Variants in LAMA3 observed in about 807,000 individuals in gnomAD.
LAMA3 encodes the protein laminin subunit alpha 3.
LAMA3 carries 281 observed loss-of-function variants against 402.0 expected under a neutral mutation model. That is an observed-to-expected ratio of 0.70 (90% CI 0.63 to 0.77). The LOEUF is 0.77. Ranked by LOEUF, LAMA3 falls within the 30% of genes least tolerant of loss-of-function variation. The probability of loss-of-function intolerance (pLI) is 0.00; values close to 1 mark genes in which losing one functional copy is unlikely to be tolerated. For missense variants in LAMA3, 3,840 were observed against 4,215.5 expected, an observed-to-expected ratio of 0.91 and a Z score of 2.47; for synonymous variants, 1,431 against 1,558.4, an observed-to-expected ratio of 0.92 and a Z score of 1.93.
chr18:23,827,056 T>A (rs2063396678), intron 22 of LAMA3, among the ~76,000 whole-genome samples: 1 of 152,232 alleles, frequency 6.6e-6, no homozygotes, highest in African/African-American at 2.4e-5. Context: ...GTCAATGCCC[T>A]CAAGGTCAGT....
intron 47 of LAMA3, 164 bp downstream of exon 47, chr18:23,899,619 TC>T: frequency 1.4e-6 from 1 of 707,514 alleles, no homozygotes; most frequent in Non-Finnish European, 2.5e-6. Context: ...CCCCCAGGAG[TC>T]CCAGGTTACC....
intron 2 of LAMA3, among the ~76,000 whole-genome samples, chr18:23,715,190 G>A (rs1023931437): frequency 1.3e-5 from 2 of 151,842 alleles, no homozygotes; most frequent in Admixed American, 6.6e-5. Context: ...TGATGATGAT[G>A]GTTGGACAAC....
intron 10 of LAMA3, among the ~76,000 whole-genome samples, chr18:23,776,630 T>C (rs896290746): frequency 6.6e-6 from 1 of 152,106 alleles, no homozygotes; most frequent in Non-Finnish European, 1.5e-5. Flanking sequence ...AGAGCCATCA[T>C]AGGAAAAGCA....
chr18:23,830,435 G>T (rs2063470326), intron 23 of LAMA3, among the ~76,000 whole-genome samples: 1 of 152,068 alleles, frequency 6.6e-6, no homozygotes, highest in Non-Finnish European at 1.5e-5. Flanking sequence ...ACCCACTTCA[G>T]TCTGGCTTTC....
At chr18:23,829,381 A>G (rs1252720692) in intron 23 of LAMA3, among the ~76,000 whole-genome samples, 1 of 152,274 alleles carries the variant, frequency 6.6e-6, no homozygotes, top group East Asian at 1.9e-4. Flanking sequence ...ATATTGGCTT[A>G]TTTTGAATGA....
At chr18:23,696,591 C>A (rs2060690239) in intron 1 of LAMA3, among the ~76,000 whole-genome samples, 1 of 152,054 alleles carries the variant, frequency 6.6e-6, no homozygotes, top group South Asian at 2.1e-4. Context: ...ACCTCTGCCT[C>A]CCAAGTTCAA....
chr18:23,896,486 T>C (rs1483297624), intron 44 of LAMA3, among the ~76,000 whole-genome samples: 4 of 152,234 alleles, frequency 2.6e-5, no homozygotes, highest in African/African-American at 9.6e-5. Flanking sequence ...ATTTCAGTCC[T>C]TTTAAATGTG....
intron 9 of LAMA3, 118 bp from the exon 10 acceptor site, chr18:23,775,674 C>A: frequency 8.4e-7 from 1 of 1,194,062 alleles, no homozygotes; most frequent in Non-Finnish European, 1.2e-6. Flanking sequence ...TGTGCCCTTT[C>A]AAGAATACCT....
At chr18:23,771,116 G>A (rs1385011571) in intron 8 of LAMA3, among the ~76,000 whole-genome samples, 1 of 152,178 alleles carries the variant, frequency 6.6e-6, no homozygotes, top group Non-Finnish European at 1.5e-5. Context: ...AAAGTTTATA[G>A]TAGCTTTATG....
At position 23,915,441 on chromosome 18, in the gene LAMA3, C is replaced by T. The variant is rs1484653043; in HGVS notation, c.7778+19C>T. Reference sequence around the variant, plus strand: ...GTAGAAGGTAAATAAAATGTAGAAACCAGAAACTCTGTAACTGGAGTTTTG... The same window carrying T: ...GTAGAAGGTAAATAAAATGTAGAAATCAGAAACTCTGTAACTGGAGTTTTG... On this transcript the variant is annotated intron_variant, in intron 59 of 74. Transcript: ENST00000313654. The T allele has an allele frequency of 1.2e-6, 2 of 1,610,526 alleles. No homozygotes were observed. Among genetic ancestry groups the T allele is most frequent in the Middle Eastern group, 1.7e-4 (1 of 6,002 alleles).
chr18:23,857,815 G>A (rs2064118762), intron 32 of LAMA3, 29 bp from the exon 33 acceptor site: 1 of 1,614,098 alleles, frequency 6.2e-7, no homozygotes, highest in African/African-American at 1.3e-5. Context: ...CAAAGATGAT[G>A]ATTTTTGCTT....
intron 23 of LAMA3, among the ~76,000 whole-genome samples, chr18:23,833,283 A>C (rs187808812): frequency 1.1e-4 from 16 of 152,350 alleles, no homozygotes; most frequent in Non-Finnish European, 1.5e-5. Context: ...TTGGGCATAG[A>C]AAATGGTTTG....
chr18:23,789,637 G>T lies in LAMA3; in HGVS notation c.1603+5480G>T, dbSNP rs142857467. Among the ~76,000 whole-genome samples the T allele has an allele frequency of 5.9e-3, 896 of 152,280 alleles. 7 individuals carry two copies. Among genetic ancestry groups the T allele is most frequent in the African/African-American group, 0.02 (840 of 41,550 alleles). On this transcript the variant is annotated intron_variant, in intron 12 of 74. Coordinates refer to ENST00000313654, the MANE Select transcript of LAMA3 (RefSeq NM_198129.4). ...GGAAAATTTATAGAGATTGAAAGCA[G>T]ATTTGTGGTTGGGAGTGAAGGTAGT...
At chr18:23,888,849 G>A (rs1282638161) in intron 41 of LAMA3, among the ~76,000 whole-genome samples, 1 of 151,900 alleles carries the variant, frequency 6.6e-6, no homozygotes, top group Non-Finnish European at 1.5e-5. Flanking sequence ...CAATTTGGGG[G>A]TGACTGGATG....
At chr18:23,814,743 T>A (rs2063142877) in intron 15 of LAMA3, among the ~76,000 whole-genome samples, 1 of 152,248 alleles carries the variant, frequency 6.6e-6, no homozygotes, top group Non-Finnish European at 1.5e-5. Flanking sequence ...AGCTACTTGA[T>A]AAATGGTTTT....
At chr18:23,799,643 T>C (rs1402542198) in intron 12 of LAMA3, among the ~76,000 whole-genome samples, 2 of 152,172 alleles carry the variant, frequency 1.3e-5, no homozygotes, top group Non-Finnish European at 2.9e-5. Context: ...TTCCTCTGCA[T>C]TGACTTTCCT....
chr18:23,935,595 T>C (rs2082289863), intron 67 of LAMA3, among the ~76,000 whole-genome samples: 1 of 152,160 alleles, frequency 6.6e-6, no homozygotes, highest in South Asian at 2.1e-4. Flanking sequence ...TACCATTTAT[T>C]AGGTATGTGA....
intron 2 of LAMA3, among the ~76,000 whole-genome samples, chr18:23,745,186 T>TGC (rs899473076): frequency 1.3e-5 from 2 of 151,940 alleles, no homozygotes; most frequent in Non-Finnish European, 2.9e-5. Flanking sequence ...TGTGTGTGTG[T>TGC]GTGTGTGTGT....
At chr18:23,942,993 G>C (rs1223592908) in intron 68 of LAMA3, among the ~76,000 whole-genome samples, 3 of 152,132 alleles carry the variant, frequency 2.0e-5, no homozygotes, top group African/African-American at 7.2e-5. Flanking sequence ...GGAGAAGGTG[G>C]GTCTGTGCTT....
Sources: allele counts gnomAD v4.1 joint callset (sites outside exome capture counted in the v4.1 genomes callset), GRCh38; gene constraint gnomAD v4.1.1; transcripts MANE v1.5; gene names NCBI Gene and HGNC (gene_info 2026-07-23, HGNC 2026-07-21).